Variants in RBFOX1 observed in about 807,000 individuals in gnomAD.
RBFOX1 encodes the protein RNA binding fox-1 homolog 1.
RBFOX1 carries 8 observed loss-of-function variants against 57.7 expected under a neutral mutation model. The ratio of observed to expected loss-of-function variants is 0.14; its 90% CI spans 0.08 to 0.25. RBFOX1 has a LOEUF of 0.25. Among genes scored for constraint, RBFOX1 ranks in the 10% least tolerant of loss-of-function variants. The probability of loss-of-function intolerance (pLI) is 1.00; values close to 1 mark genes in which losing one functional copy is unlikely to be tolerated. For synonymous variants in RBFOX1, 326 were observed against 222.4 expected, an observed-to-expected ratio of 1.47 and a Z score of -4.15; for missense variants, 611 against 548.5, an observed-to-expected ratio of 1.11 and a Z score of -1.14.
intron 1 of RBFOX1, among the ~76,000 whole-genome samples, chr16:5,388,871 C>T (rs2066326707): frequency 1.3e-5 from 2 of 151,462 alleles, no homozygotes; most frequent in Admixed American, 1.3e-4. Context: ...GTCACCGCGC[C>T]TTGCCAGAAG....
intron 2 of RBFOX1, among the ~76,000 whole-genome samples, chr16:6,622,782 T>G (rs756677731): frequency 6.6e-6 from 1 of 152,248 alleles, no homozygotes; most frequent in Non-Finnish European, 1.5e-5. Context: ...ATGATTTATT[T>G]AATACTGAAG....
At chr16:7,197,152 G>C (rs948334250) in intron 4 of RBFOX1, among the ~76,000 whole-genome samples, 8 of 152,054 alleles carry the variant, frequency 5.3e-5, no homozygotes, top group African/African-American at 1.9e-4. Context: ...CTTCATTCTA[G>C]CGTTCTCTGG....
intron 3 of RBFOX1, among the ~76,000 whole-genome samples, chr16:5,808,715 C>G (rs2055315775): frequency 6.6e-6 from 1 of 152,076 alleles, no homozygotes; most frequent in Middle Eastern, 3.2e-3. Context: ...ATTTGGCTCT[C>G]TGTTTGTCTG....
At chr16:6,769,140 A>G (rs118011048) in intron 3 of RBFOX1, among the ~76,000 whole-genome samples, 2 of 152,300 alleles carry the variant, frequency 1.3e-5, no homozygotes, top group East Asian at 3.9e-4. Context: ...TTAATTGAAT[A>G]ATGGAGGCAG....
chr16:5,410,727 G>A (rs1004811422), intron 1 of RBFOX1, among the ~76,000 whole-genome samples: 1 of 152,158 alleles, frequency 6.6e-6, no homozygotes, highest in Non-Finnish European at 1.5e-5. Flanking sequence ...TCCTGCCTCT[G>A]AGCCACTGCT....
chr16:6,482,860 A>G (rs2153099324), intron 2 of RBFOX1, among the ~76,000 whole-genome samples: 1 of 152,352 alleles, frequency 6.6e-6, no homozygotes, highest in Non-Finnish European at 1.5e-5. Flanking sequence ...ATAATGCAGG[A>G]GTAGCGTAAG....
chr16:6,965,020 G>T (rs2083802577), intron 3 of RBFOX1, among the ~76,000 whole-genome samples: 1 of 152,134 alleles, frequency 6.6e-6, no homozygotes. Flanking sequence ...GATTATGATT[G>T]TTGCTTTATT....
At chr16:5,289,193 A>C in intron 1 of RBFOX1, 1 of 304,876 alleles carries the variant, frequency 3.3e-6, no homozygotes, top group Non-Finnish European at 6.6e-6. Flanking sequence ...CCTCCCCTCT[A>C]TCCTTATCTG....
intron 4 of RBFOX1, among the ~76,000 whole-genome samples, chr16:7,429,160 A>C (rs1344937541): frequency 6.6e-6 from 1 of 152,130 alleles, no homozygotes; most frequent in African/African-American, 2.4e-5. Flanking sequence ...GAACACTGTG[A>C]ATATAATCTT....
chr16:7,408,556 A>G (rs1046804922), intron 4 of RBFOX1, among the ~76,000 whole-genome samples: 2 of 152,222 alleles, frequency 1.3e-5, no homozygotes, highest in Non-Finnish European at 2.9e-5. Flanking sequence ...TGTCCTGAGT[A>G]TTGCGATTGC....
intron 4 of RBFOX1, among the ~76,000 whole-genome samples, chr16:7,464,659 C>A (rs2060166988): frequency 6.6e-6 from 1 of 151,676 alleles, no homozygotes; most frequent in East Asian, 1.9e-4. Context: ...TCCCCCCTCC[C>A]CGCCCGAAAT....
At chr16:5,978,305 C>T (rs1472255180) in intron 4 of RBFOX1, among the ~76,000 whole-genome samples, 1 of 151,516 alleles carries the variant, frequency 6.6e-6, no homozygotes, top group Non-Finnish European at 1.5e-5. Flanking sequence ...CAGAGTGAGG[C>T]CCCATTTCTT....
At chr16:7,468,547 T>A (rs1385913925) in intron 4 of RBFOX1, among the ~76,000 whole-genome samples, 2 of 151,542 alleles carry the variant, frequency 1.3e-5, no homozygotes, top group Admixed American at 6.6e-5. Flanking sequence ...TTAACACTGA[T>A]ACACATGGAA....
intron 4 of RBFOX1, among the ~76,000 whole-genome samples, chr16:7,434,026 T>C (rs951994382): frequency 4.6e-5 from 7 of 152,262 alleles, no homozygotes; most frequent in East Asian, 1.9e-4. Flanking sequence ...AAACTGCTCT[T>C]GGAGGAGTCA....
chr16:6,841,176 A>G (rs2093441674), intron 3 of RBFOX1, among the ~76,000 whole-genome samples: 2 of 152,118 alleles, frequency 1.3e-5, no homozygotes, highest in Admixed American at 6.5e-5. Flanking sequence ...AGAAGCCTGA[A>G]CAGACTAAGA....
At chr16:6,742,364 C>G (rs1214680062) in intron 3 of RBFOX1, among the ~76,000 whole-genome samples, 3 of 152,112 alleles carry the variant, frequency 2.0e-5, no homozygotes, top group East Asian at 1.9e-4. Context: ...GAAAGTGTGT[C>G]TCTCATATAC....
chr16:6,872,280 A>G (rs1266016956), intron 3 of RBFOX1, among the ~76,000 whole-genome samples: 2 of 152,148 alleles, frequency 1.3e-5, no homozygotes, highest in African/African-American at 2.4e-5. Flanking sequence ...ATCCAGTTGG[A>G]TAACTTGGGG....
chr16:5,523,302 G>A (rs560891967), intron 2 of RBFOX1, among the ~76,000 whole-genome samples: 3 of 152,100 alleles, frequency 2.0e-5, no homozygotes, highest in African/African-American at 7.2e-5. Context: ...AACAGGAGAG[G>A]GGACAGGTGT....
intron 3 of RBFOX1, among the ~76,000 whole-genome samples, chr16:6,867,823 T>A (rs2060203208): frequency 6.6e-6 from 1 of 152,194 alleles, no homozygotes; most frequent in Non-Finnish European, 1.5e-5. Flanking sequence ...TTGATCCTGG[T>A]GTAATTATTG....
Sources: allele counts gnomAD v4.1 joint callset (sites outside exome capture counted in the v4.1 genomes callset), GRCh38; gene constraint gnomAD v4.1.1; transcripts MANE v1.5; gene names NCBI Gene and HGNC (gene_info 2026-07-23, HGNC 2026-07-21).